COL4A2: variants seen among roughly 807,000 people sequenced by gnomAD.
COL4A2 encodes collagen type IV alpha 2 chain.
COL4A2 carries 99 observed loss-of-function variants against 200.2 expected under a neutral mutation model. The ratio of observed to expected loss-of-function variants is 0.49; its 90% CI spans 0.42 to 0.58. COL4A2 has a LOEUF of 0.58. Ranked by LOEUF, COL4A2 falls within the 20% of genes least tolerant of loss-of-function variation. The pLI is 0.00. For missense variants in COL4A2, 1,950 were observed against 2,314.1 expected, an observed-to-expected ratio of 0.84 and a Z score of 3.23; for synonymous variants, 897 against 900.6, an observed-to-expected ratio of 1.00 and a Z score of 0.07.
chr13:110,510,842 C>A (rs927733610), intron 47 of COL4A2, among the ~76,000 whole-genome samples: 4 of 152,228 alleles, frequency 2.6e-5, no homozygotes, highest in African/African-American at 9.6e-5. Flanking sequence ...CTCCTTCAGA[C>A]CAAAGTGAAG....
chr13:110,499,552 C>T (rs371625135), intron 40 of COL4A2, among the ~76,000 whole-genome samples: 19 of 152,320 alleles, frequency 1.2e-4, no homozygotes, highest in African/African-American at 3.8e-4. Context: ...ACAGCCAAAC[C>T]GTATCACAGC....
At chr13:110,362,477 C>T (rs1281574304) in intron 4 of COL4A2, among the ~76,000 whole-genome samples, 1 of 141,550 alleles carries the variant, frequency 7.1e-6, no homozygotes, top group Admixed American at 7.4e-5. Flanking sequence ...CCACACCTGG[C>T]TGATTTTTGT....
At chr13:110,410,838 G>T (rs1163175128) in intron 4 of COL4A2, among the ~76,000 whole-genome samples, 1 of 152,114 alleles carries the variant, frequency 6.6e-6, no homozygotes, top group African/African-American at 2.4e-5. Context: ...CATAGAACTG[G>T]CAGAGCTGGG....
At chr13:110,338,974 G>A (rs1239880965) in intron 3 of COL4A2, among the ~76,000 whole-genome samples, 1 of 152,214 alleles carries the variant, frequency 6.6e-6, no homozygotes, top group East Asian at 1.9e-4. Context: ...GGTGCTCTTG[G>A]ATTGTAATCA....
At chr13:110,383,601 C>CTTT (rs1367000938) in intron 4 of COL4A2, among the ~76,000 whole-genome samples, 2 of 121,418 alleles carry the variant, frequency 1.6e-5, no homozygotes, top group African/African-American at 3.0e-5. Flanking sequence ...TGTGTCAGCC[C>CTTT]TTTTCTTTTT....
At chr13:110,480,083 C>A in intron 30 of COL4A2, 137 bp from the exon 31 acceptor site, 1 of 978,298 alleles carries the variant, frequency 1.0e-6, no homozygotes, top group Non-Finnish European at 1.5e-6. Context: ...ACTTTGGAAA[C>A]TCACCCCAAC....
chr13:110,337,777 G>C (rs1168592921), intron 3 of COL4A2, among the ~76,000 whole-genome samples: 8 of 152,212 alleles, frequency 5.3e-5, no homozygotes, highest in Non-Finnish European at 1.2e-4. Flanking sequence ...GTGTGTGTCT[G>C]TGTCCCCAAG....
At chr13:110,403,890 G>A (rs1235905340) in intron 4 of COL4A2, among the ~76,000 whole-genome samples, 2 of 152,212 alleles carry the variant, frequency 1.3e-5, no homozygotes, top group African/African-American at 4.8e-5. Context: ...TCTGCAGGCT[G>A]GGAAGTTGAA....
Position 110,503,972 on chromosome 13 carries a change from C to T in COL4A2, c.4264C>T (p.Gln1422Ter). Residue 1422 changes from glutamine (Q) to a stop codon, truncating the protein, a stop_gained, in exon 44 of 48, where the codon CAG becomes TAG. Coordinates refer to ENST00000360467, the MANE Select transcript of COL4A2 (RefSeq NM_001846.4). LOFTEE classifies it high-confidence loss of function. ...PPGAPGEMGPQGPPGEPGFRG... is the reference protein window; with the variant it reads ...PPGAPGEMGP The stretch of plus-strand genomic sequence containing the variant: ...TGGGGCACCGGGGGAGATGGGGCCC[C>T]AGGGCCCCCCCGGAGAACCAGGTAG... The T allele has an allele frequency of 6.4e-7, 1 of 1,561,118 alleles. No individual in the cohort carries two copies. Among genetic ancestry groups the T allele is most frequent in the Non-Finnish European group, 8.6e-7 (1 of 1,156,706 alleles).
At chr13:110,413,314 G>A (rs72657911) in intron 4 of COL4A2, among the ~76,000 whole-genome samples, 2,629 of 152,328 alleles carry the variant, frequency 0.017, 26 homozygotes, top group Middle Eastern at 0.037. Flanking sequence ...AAGAGATGCC[G>A]GGGACAGAGT....
intron 4 of COL4A2, among the ~76,000 whole-genome samples, chr13:110,419,477 G>T (rs780863913): frequency 2.6e-5 from 4 of 152,178 alleles, no homozygotes; most frequent in Non-Finnish European, 5.9e-5. Context: ...GCCCTGATGC[G>T]TCATCCATCT....
At chr13:110,505,160 CT>C (rs767455955) in intron 45 of COL4A2, among the ~76,000 whole-genome samples, 9 of 151,402 alleles carry the variant, frequency 5.9e-5, no homozygotes, top group South Asian at 2.1e-4. Flanking sequence ...ACCATCCTGG[CT>C]AACACGGTGA....
Position 110,482,613 on chromosome 13 carries a change from C to T in COL4A2, c.2856C>T (p.Phe952=), listed in dbSNP as rs747574881. ...GGAGCAAAGGCGAGGCTGGATTTTTCGGAATACCCGGTCTGAAGGGTCTGG... is the reference window on the plus strand; with the variant it reads ...GGAGCAAAGGCGAGGCTGGATTTTTTGGAATACCCGGTCTGAAGGGTCTGG... The part of the protein sequence containing the change: ...FPGSKGEAGF[F]GIPGLKGLAG... Residue 952 remains phenylalanine (F), a synonymous_variant, in exon 32 of 48, where the codon TTC becomes TTT. Coordinates refer to ENST00000360467, the MANE Select transcript of COL4A2 (RefSeq NM_001846.4). The T allele has an allele frequency of 4.5e-5, 73 of 1,614,044 alleles. No homozygotes were observed. Among genetic ancestry groups the T allele is most frequent in the African/African-American group, 5.3e-5 (4 of 74,994 alleles).
At chr13:110,353,357 G>T (rs117331874) in intron 3 of COL4A2, among the ~76,000 whole-genome samples, 1,863 of 152,268 alleles carry the variant, frequency 0.012, 16 homozygotes, top group Non-Finnish European at 0.019. Flanking sequence ...ATAGGATCGC[G>T]GCTTGTCTTT....
rs971158366 is a variant in COL4A2 at position 110,447,081 on chromosome 13, T to C, written c.1078+217T>C. Among the ~76,000 whole-genome samples the C allele has an allele frequency of 2.5e-4, 38 of 152,372 alleles. 1 individual carries two copies. The highest frequency in any genetic ancestry group is 8.7e-4 in the African/African-American group (36 of 41,582). ...TAAATGTGTCACAGGGAGACCTTCA[T>C]GTTGCCTGTGCCTGAGACAGTCCTC... On this transcript the variant is annotated intron_variant, in intron 18 of 47. Coordinates refer to ENST00000360467, the MANE Select transcript of COL4A2 (RefSeq NM_001846.4).
At chr13:110,505,292 A>G (rs111723283) in intron 45 of COL4A2, among the ~76,000 whole-genome samples, 150 of 152,146 alleles carry the variant, frequency 9.9e-4, no homozygotes, top group South Asian at 2.7e-3. Flanking sequence ...GGAGGTTGCA[A>G]TGAGCCAAGA....
intron 3 of COL4A2, among the ~76,000 whole-genome samples, chr13:110,312,697 G>T (rs559601929): frequency 6.6e-6 from 1 of 152,354 alleles, no homozygotes; most frequent in South Asian, 2.1e-4. Context: ...TCTACTGTGT[G>T]ATCACTGCTG....
At chr13:110,478,598 G>A (rs904184089) in intron 30 of COL4A2, among the ~76,000 whole-genome samples, 3 of 152,160 alleles carry the variant, frequency 2.0e-5, no homozygotes, top group Admixed American at 6.5e-5. Flanking sequence ...CACAGGCCAA[G>A]GCAGGTGGCA....
intron 16 of COL4A2, among the ~76,000 whole-genome samples, chr13:110,441,486 C>A (rs1257242859): frequency 7.9e-5 from 12 of 152,188 alleles, no homozygotes; most frequent in Admixed American, 7.9e-4. Flanking sequence ...CCCAGGGAGC[C>A]AATGCCAGGC....
Sources: gnomAD v4.1 joint callset for allele counts (sites outside exome capture counted in the v4.1 genomes callset) on GRCh38, gnomAD v4.1.1 for gene constraint, MANE v1.5 for transcripts, NCBI Gene and HGNC (gene_info 2026-07-23, HGNC 2026-07-21) for gene names.